The following PCNX2 variants were observed in gnomAD, a reference collection of about 807,000 sequenced individuals.
PCNX2 encodes the protein pecanex-like protein 2.
Under a neutral mutation model 223.8 loss-of-function variants are expected in PCNX2, and 168 were observed. That is an observed-to-expected ratio of 0.75 (90% confidence interval 0.66 to 0.85). The LOEUF (loss-of-function observed/expected upper bound fraction) is 0.85. Ranked by LOEUF, PCNX2 falls within the 40% of genes least tolerant of loss-of-function variation. PCNX2 has a pLI of 0.00. For missense variants in PCNX2, 2,507 were observed against 2,675.5 expected, an observed-to-expected ratio of 0.94 and a Z score of 1.39; for synonymous variants, 1,006 against 1,052.6, an observed-to-expected ratio of 0.96 and a Z score of 0.86.
At chr1:233,037,262 T>G (rs867130700) in intron 25 of PCNX2, among the ~76,000 whole-genome samples, 16 of 152,180 alleles carry the variant, frequency 1.1e-4, no homozygotes, top group African/African-American at 3.6e-4. Flanking sequence ...TTTATTACCT[T>G]AGTGGCAACT....
chr1:233,321,248 A>C, the PCNX2 span, among the ~76,000 whole-genome samples: 919 of 152,178 alleles, frequency 6.0e-3, 19 homozygotes, highest in East Asian at 0.063. Context: ...TTCCATTAAA[A>C]AAGCAGGTGA....
intron 26 of PCNX2, among the ~76,000 whole-genome samples, chr1:233,020,617 G>A (rs549025379): frequency 6.6e-6 from 1 of 152,226 alleles, no homozygotes; most frequent in Non-Finnish European, 1.5e-5. Context: ...CGGGTTGTTC[G>A]CGCCTCATTC....
At chr1:233,014,473 T>C (rs533116923) in intron 28 of PCNX2, among the ~76,000 whole-genome samples, 192 bp downstream of exon 28, 3 of 152,262 alleles carry the variant, frequency 2.0e-5, no homozygotes, top group Non-Finnish European at 2.9e-5. Context: ...TATTTCCAAA[T>C]TGAATACTCC....
At chr1:233,210,480 T>C (rs1681757293) in intron 12 of PCNX2, 11 of 516,876 alleles carry the variant, frequency 2.1e-5, no homozygotes, top group Non-Finnish European at 2.7e-5. Context: ...GGTTTCACTA[T>C]GTTGGCCAGG....
chr1:233,178,398 A>G (rs193155354), intron 16 of PCNX2, among the ~76,000 whole-genome samples: 2 of 152,348 alleles, frequency 1.3e-5, no homozygotes, highest in East Asian at 3.9e-4. Context: ...AAATTACATA[A>G]GATGCTACTG....
chr1:233,021,302 G>A (rs1403396516), intron 26 of PCNX2, among the ~76,000 whole-genome samples: 2 of 152,172 alleles, frequency 1.3e-5, no homozygotes, highest in African/African-American at 2.4e-5. Flanking sequence ...GTGCTGACTT[G>A]GGAGTTAAGA....
intron 9 of PCNX2, among the ~76,000 whole-genome samples, chr1:233,229,072 G>T (rs1425783091): frequency 1.3e-5 from 2 of 152,164 alleles, no homozygotes. Context: ...TACATGGGCA[G>T]ACAGCACAAC....
chr1:233,225,257 A>G (rs77205392), intron 10 of PCNX2, among the ~76,000 whole-genome samples: 2,551 of 152,040 alleles, frequency 0.017, 31 homozygotes, highest in South Asian at 0.049. Flanking sequence ...GCTGGGCCAC[A>G]TTCCAAGTAA....
intron 25 of PCNX2, among the ~76,000 whole-genome samples, chr1:233,051,853 A>G (rs1331064483): frequency 6.6e-6 from 1 of 152,226 alleles, no homozygotes; most frequent in African/African-American, 2.4e-5. Flanking sequence ...ATGAAAATTG[A>G]AATTATATTT....
At chr1:233,288,330 C>T (rs546025626) in intron 1 of PCNX2, among the ~76,000 whole-genome samples, 29 of 152,168 alleles carry the variant, frequency 1.9e-4, no homozygotes, top group Admixed American at 2.0e-4. Flanking sequence ...AGGAGTGAAC[C>T]ATTCAAAATA....
At chr1:233,231,955 T>C (rs1658088175) in intron 9 of PCNX2, among the ~76,000 whole-genome samples, 1 of 152,196 alleles carries the variant, frequency 6.6e-6, no homozygotes, top group African/African-American at 2.4e-5. Flanking sequence ...ATGCCTAACC[T>C]GAAGACTTCT....
At chr1:233,005,492 T>C (rs1670249870) in intron 28 of PCNX2, among the ~76,000 whole-genome samples, 1 of 152,242 alleles carries the variant, frequency 6.6e-6, no homozygotes, top group Admixed American at 6.5e-5. Flanking sequence ...CTGTCATTTC[T>C]ATTTTCAGAG....
intron 1 of PCNX2, among the ~76,000 whole-genome samples, chr1:233,278,305 G>A (rs527994004): frequency 1.3e-5 from 2 of 152,356 alleles, no homozygotes; most frequent in South Asian, 2.1e-4. Context: ...AGAGCCAAGA[G>A]GAGGGCAAGT....
intron 19 of PCNX2, among the ~76,000 whole-genome samples, chr1:233,159,790 T>C (rs1326929508): frequency 6.6e-6 from 1 of 152,178 alleles, no homozygotes; most frequent in Non-Finnish European, 1.5e-5. Context: ...CACGTGTAGA[T>C]ACAGGTGTAG....
At chr1:233,063,645 T>C (rs1672486837) in intron 23 of PCNX2, among the ~76,000 whole-genome samples, 1 of 152,208 alleles carries the variant, frequency 6.6e-6, no homozygotes, top group South Asian at 2.1e-4. Flanking sequence ...GGTCATGACT[T>C]AGATTCCTGA....
At chr1:233,010,056 C>A (rs527642195) in intron 28 of PCNX2, among the ~76,000 whole-genome samples, 2 of 119,230 alleles carry the variant, frequency 1.7e-5, no homozygotes, top group South Asian at 4.7e-4. Flanking sequence ...GATATTGCAT[C>A]CTGTTTACTT....
At chr1:233,210,870 C>A (rs191889135) in intron 12 of PCNX2, among the ~76,000 whole-genome samples, 1 of 152,270 alleles carries the variant, frequency 6.6e-6, no homozygotes, top group African/African-American at 2.4e-5. Context: ...AAAAGCAGAT[C>A]TCTGTGTGCA....
chr1:233,056,628 G>A (rs751722372), intron 24 of PCNX2, among the ~76,000 whole-genome samples: 1 of 152,164 alleles, frequency 6.6e-6, no homozygotes, highest in Non-Finnish European at 1.5e-5. Flanking sequence ...TATAGATAAT[G>A]AGCACGATAC....
At chr1:233,246,630 G>C (rs1340810992) in intron 8 of PCNX2, among the ~76,000 whole-genome samples, 4 of 152,136 alleles carry the variant, frequency 2.6e-5, no homozygotes, top group Admixed American at 2.6e-4. Context: ...AAAGTGCCTC[G>C]TTCAGGGCCA....
Sources: gnomAD v4.1 joint callset for allele counts (sites outside exome capture counted in the v4.1 genomes callset) on GRCh38, gnomAD v4.1.1 for gene constraint, MANE v1.5 for transcripts, NCBI Gene and HGNC (gene_info 2026-07-23, HGNC 2026-07-21) for gene names.